SEMA6D: variants seen among roughly 807,000 people sequenced by gnomAD.
The protein encoded by SEMA6D is semaphorin 6D, also known as semaphorin-6D.
SEMA6D carries 35 observed loss-of-function variants against 106.6 expected under a neutral mutation model. The ratio of observed to expected loss-of-function variants is 0.33; its 90% CI spans 0.25 to 0.44. The LOEUF is 0.44. Among genes scored for constraint, SEMA6D ranks in the 20% least tolerant of loss-of-function variants. SEMA6D has a pLI of 1.00. For synonymous variants in SEMA6D, 499 were observed against 487.7 expected, an observed-to-expected ratio of 1.02 and a Z score of -0.31; for missense variants, 1,185 against 1,345.9, an observed-to-expected ratio of 0.88 and a Z score of 1.87.
In SEMA6D at chr15:47,618,588, G is replaced by T. The variant is rs77601777; in HGVS notation, c.-55+17692G>T. Among the ~76,000 whole-genome samples, 27 of 152,248 alleles carry T rather than the reference G, an allele frequency of 1.8e-4. No homozygotes were observed. In the East Asian group the frequency reaches 5.2e-3, roughly 29 times the overall value. On this transcript the variant is annotated intron_variant, in intron 4 of 19. Transcript: ENST00000558014. ...GATGTAGCTTTAGGGATTTTTGTGT[G>T]TTTTTCCCATTATAGAAATAGTAGA...
intron 1 of SEMA6D, among the ~76,000 whole-genome samples, chr15:47,256,641 A>G (rs1207305222): frequency 6.6e-6 from 1 of 152,260 alleles, no homozygotes; most frequent in East Asian, 1.9e-4. Context: ...CGGGCAGATC[A>G]TGAAGTCAGG....
chr15:47,425,642 A>G (rs2041307572), intron 2 of SEMA6D, among the ~76,000 whole-genome samples: 1 of 149,898 alleles, frequency 6.7e-6, no homozygotes, highest in Non-Finnish European at 1.5e-5. Context: ...AATTTGTTTC[A>G]CTGTGCCTAA....
chr15:47,550,360 G>A (rs546041850), intron 3 of SEMA6D, among the ~76,000 whole-genome samples: 1 of 152,192 alleles, frequency 6.6e-6, no homozygotes, highest in East Asian at 1.9e-4. Context: ...AGGAAGAGGG[G>A]AGAAAGAGGT....
intron 3 of SEMA6D, among the ~76,000 whole-genome samples, chr15:47,574,171 A>G (rs2076116052): frequency 6.6e-6 from 1 of 152,224 alleles, no homozygotes; most frequent in Non-Finnish European, 1.5e-5. Flanking sequence ...ATCTGTAAAG[A>G]TGAAAAGAAT....
intron 2 of SEMA6D, among the ~76,000 whole-genome samples, chr15:47,465,832 A>G (rs532628895): frequency 1.3e-4 from 20 of 152,236 alleles, no homozygotes; most frequent in African/African-American, 4.8e-4. Flanking sequence ...AGTCTCATGT[A>G]GTTCTTTATA....
intron 1 of SEMA6D, among the ~76,000 whole-genome samples, chr15:47,211,165 C>CT (rs1428708614): frequency 2.6e-5 from 4 of 152,070 alleles, no homozygotes; most frequent in Non-Finnish European, 5.9e-5. Flanking sequence ...TCTATACTCT[C>CT]TCTCTATTTT....
At chr15:47,677,816 G>A (rs1005895322) in intron 4 of SEMA6D, among the ~76,000 whole-genome samples, 3 of 152,186 alleles carry the variant, frequency 2.0e-5, no homozygotes, top group Non-Finnish European at 4.4e-5. Context: ...GAAAGGAAAA[G>A]CTTAAATTGC....
At chr15:47,633,541 T>G (rs1460762637) in intron 4 of SEMA6D, among the ~76,000 whole-genome samples, 2 of 152,198 alleles carry the variant, frequency 1.3e-5, no homozygotes, top group Non-Finnish European at 2.9e-5. Flanking sequence ...CTGTGGTTGC[T>G]TTCACAGTTT....
At chr15:47,552,886 A>T (rs1181282620) in intron 3 of SEMA6D, among the ~76,000 whole-genome samples, 2 of 14,846 alleles carry the variant, frequency 1.3e-4, no homozygotes, top group Non-Finnish European at 2.7e-4. Flanking sequence ...ATATAAATAT[A>T]TATAAATATA....
At chr15:47,330,568 C>T (rs780288190) in intron 1 of SEMA6D, among the ~76,000 whole-genome samples, 71 of 152,152 alleles carry the variant, frequency 4.7e-4, no homozygotes, top group Non-Finnish European at 9.1e-4. Context: ...GTGTTAATAT[C>T]CCAATCACCA....
intron 1 of SEMA6D, among the ~76,000 whole-genome samples, chr15:47,405,093 C>A (rs1390550506): frequency 6.6e-6 from 1 of 151,994 alleles, no homozygotes; most frequent in Non-Finnish European, 1.5e-5. Flanking sequence ...AAAGGCAGGG[C>A]ATATTGGAAG....
chr15:47,483,411 C>T (rs2043209311), intron 3 of SEMA6D, among the ~76,000 whole-genome samples: 1 of 152,102 alleles, frequency 6.6e-6, no homozygotes, highest in Non-Finnish European at 1.5e-5. Context: ...ACATTTGGCT[C>T]ATTGGAGTCT....
intron 1 of SEMA6D, among the ~76,000 whole-genome samples, chr15:47,210,501 G>A (rs758766395): frequency 1.3e-4 from 20 of 151,940 alleles, no homozygotes; most frequent in Admixed American, 4.6e-4. Context: ...CGGGCCGGGC[G>A]CAGTGGCTCA....
intron 2 of SEMA6D, among the ~76,000 whole-genome samples, chr15:47,467,954 TA>T (rs1220810585): frequency 6.6e-6 from 1 of 152,054 alleles, no homozygotes; most frequent in Non-Finnish European, 1.5e-5. Flanking sequence ...TATATTATAA[TA>T]ATATTATAAT....
At chr15:47,655,561 T>C (rs1337286245) in intron 4 of SEMA6D, among the ~76,000 whole-genome samples, 2 of 152,258 alleles carry the variant, frequency 1.3e-5, no homozygotes, top group Admixed American at 1.3e-4. Context: ...ATTTTAAATA[T>C]TGCAATTACA....
At chr15:47,633,629 G>C (rs1027481054) in intron 4 of SEMA6D, among the ~76,000 whole-genome samples, 2 of 152,018 alleles carry the variant, frequency 1.3e-5, no homozygotes, top group Non-Finnish European at 2.9e-5. Flanking sequence ...TATTCTATCT[G>C]GGTTATACTC....
At chr15:47,316,004 T>C (rs1409447968) in intron 1 of SEMA6D, among the ~76,000 whole-genome samples, 1 of 151,920 alleles carries the variant, frequency 6.6e-6, no homozygotes, top group African/African-American at 2.4e-5. Flanking sequence ...TTTTTGTGTG[T>C]GTGTCTACTC....
intron 1 of SEMA6D, among the ~76,000 whole-genome samples, chr15:47,325,069 A>G (rs1166967952): frequency 6.6e-6 from 1 of 152,220 alleles, no homozygotes; most frequent in Non-Finnish European, 1.5e-5. Context: ...TTATTCAATC[A>G]GTTGTTTTTG....
At chr15:47,366,484 G>A (rs2145250133) in intron 1 of SEMA6D, among the ~76,000 whole-genome samples, 1 of 152,202 alleles carries the variant, frequency 6.6e-6, no homozygotes, top group Admixed American at 6.5e-5. Context: ...TGTGTCAAAG[G>A]GAAATAAATA....
Sources: gnomAD v4.1 joint callset for allele counts (sites outside exome capture counted in the v4.1 genomes callset) on GRCh38, gnomAD v4.1.1 for gene constraint, MANE v1.5 for transcripts, NCBI Gene and HGNC (gene_info 2026-07-23, HGNC 2026-07-21) for gene names.